Variants in CAB39 observed in about 807,000 individuals in gnomAD.
The protein encoded by CAB39 is calcium binding protein 39.
In CAB39, 8 loss-of-function variants were observed where a neutral mutation model predicts 40.0. The observed-to-expected ratio is 0.20, with a 90% CI of 0.12 to 0.36. The LOEUF (loss-of-function observed/expected upper bound fraction) is 0.36, where lower values mean the gene tolerates loss of function less well. Among genes scored for constraint, CAB39 ranks in the 10% least tolerant of loss-of-function variants. The pLI is 1.00. For synonymous variants in CAB39, 156 were observed against 141.6 expected (o/e 1.10, Z -0.72); for missense variants, 270 against 401.1 (o/e 0.67, Z 2.79).
At chr2:230,715,766 G>A (rs1031564431) in intron 1 of CAB39, among the ~76,000 whole-genome samples, 4 of 152,168 alleles carry the variant, frequency 2.6e-5, no homozygotes, top group South Asian at 2.1e-4. Flanking sequence ...GCAGTGGTGC[G>A]AACATGGCTC....
chr2:230,741,099 C>A (rs991004580), intron 1 of CAB39, among the ~76,000 whole-genome samples: 2 of 152,152 alleles, frequency 1.3e-5, no homozygotes, highest in African/African-American at 4.8e-5. Context: ...AGGCGGTCCC[C>A]TGATTAATTC....
At chr2:230,753,240 G>A (rs1435354314) in intron 1 of CAB39, among the ~76,000 whole-genome samples, 4 of 152,166 alleles carry the variant, frequency 2.6e-5, no homozygotes, top group Non-Finnish European at 5.9e-5. Flanking sequence ...TTGCAGTGTT[G>A]TAACTGTTCA....
intron 1 of CAB39, among the ~76,000 whole-genome samples, chr2:230,724,107 T>G (rs1034634194): frequency 6.6e-6 from 1 of 151,266 alleles, no homozygotes; most frequent in Non-Finnish European, 1.5e-5. Context: ...ATTAGCTGAG[T>G]GTGGTGACGC....
At chr2:230,756,257 A>C (rs1695188049) in intron 1 of CAB39, among the ~76,000 whole-genome samples, 9 of 152,260 alleles carry the variant, frequency 5.9e-5, no homozygotes, top group Admixed American at 5.9e-4. Context: ...AGTATAGTCA[A>C]CTACATAGTA....
chr2:230,761,888 TTTGTTGTTGTTGTTGTTG>T lies in CAB39; in HGVS notation c.114+1791_114+1808del, dbSNP rs55722046. ...GGTACTGTTTTTTGTTTGTTTTTTA[TTTGTTGTTGTTGTTGTTG>T]TTGTTGTTGTTGTTGTTTTGAGATG... On this transcript the variant is annotated intron_variant, in intron 2 of 8. Coordinates refer to ENST00000258418, the MANE Select transcript of CAB39 (RefSeq NM_016289.4). Among the ~76,000 whole-genome samples the T allele has an allele frequency of 9.6e-4, 144 of 149,956 alleles. 5 individuals are homozygous for T. In the South Asian group the frequency reaches 0.03, roughly 31 times the overall value.
chr2:230,809,866 G>A (rs984278989), intron 5 of CAB39, among the ~76,000 whole-genome samples: 1 of 152,080 alleles, frequency 6.6e-6, no homozygotes, highest in African/African-American at 2.4e-5. Flanking sequence ...CACCGGGAGC[G>A]CTAAGTGGGC....
intron 1 of CAB39, chr2:230,713,790 G>C (rs1358707819): frequency 6.6e-6 from 1 of 152,354 alleles, no homozygotes; most frequent in Non-Finnish European, 1.5e-5. Context: ...GCCCGCACCG[G>C]AGGGATTCAA....
intron 5 of CAB39, among the ~76,000 whole-genome samples, chr2:230,804,059 C>A (rs1329720648): frequency 6.6e-6 from 1 of 152,124 alleles, no homozygotes. Flanking sequence ...AGATATAGAC[C>A]AATGGAACAG....
At chr2:230,741,644 G>C (rs1197583091) in intron 1 of CAB39, among the ~76,000 whole-genome samples, 1 of 152,066 alleles carries the variant, frequency 6.6e-6, no homozygotes, top group Non-Finnish European at 1.5e-5. Context: ...TCTAGGAATG[G>C]GAATTTGATC....
chr2:230,740,317 A>G (rs1694854559), intron 1 of CAB39, among the ~76,000 whole-genome samples: 1 of 152,240 alleles, frequency 6.6e-6, no homozygotes, highest in Non-Finnish European at 1.5e-5. Flanking sequence ...CTTGCTAATC[A>G]GATTTGTAGT....
intron 2 of CAB39, among the ~76,000 whole-genome samples, chr2:230,770,540 T>C (rs979541237): frequency 6.6e-6 from 1 of 152,242 alleles, no homozygotes; most frequent in African/African-American, 2.4e-5. Flanking sequence ...ATACAATTTC[T>C]ATGTAAACCT....
intron 1 of CAB39, among the ~76,000 whole-genome samples, chr2:230,715,074 A>G (rs372602635): frequency 6.6e-6 from 1 of 152,142 alleles, no homozygotes; most frequent in Non-Finnish European, 1.5e-5. Flanking sequence ...TTTTCTTTCC[A>G]GTCTTTTTCT....
chr2:230,725,538 A>T (rs1043079488), intron 1 of CAB39: 1 of 858,988 alleles, frequency 1.2e-6, no homozygotes, highest in Non-Finnish European at 1.9e-6. Flanking sequence ...ATTTTTAGGT[A>T]AGTAATGGGG....
Position 230,804,776 on chromosome 2 carries a change from G to A in CAB39, c.568-5487G>A, listed in dbSNP as rs377063059. On this transcript the variant is annotated intron_variant, in intron 5 of 8. Coordinates refer to ENST00000258418, the MANE Select transcript of CAB39 (RefSeq NM_016289.4). Reference sequence around the variant, plus strand: ...GTGCTGGAGAGGATGTGGAGAAATAGGGACACTTTTACACTGTTGGTGGGC... The same window carrying A: ...GTGCTGGAGAGGATGTGGAGAAATAAGGACACTTTTACACTGTTGGTGGGC... Among the ~76,000 whole-genome samples the A allele has an allele frequency of 3.3e-5, 5 of 152,294 alleles. No individual in the cohort carries two copies. In the East Asian group the frequency reaches 7.7e-4, roughly 23 times the overall value.
chr2:230,761,887 ATTT>A (rs1175855314), intron 2 of CAB39, among the ~76,000 whole-genome samples: 7 of 117,610 alleles, frequency 6.0e-5, no homozygotes, highest in African/African-American at 2.4e-4. Flanking sequence ...TTTGTTTTTT[ATTT>A]GTTGTTGTTG....
intron 2 of CAB39, among the ~76,000 whole-genome samples, chr2:230,768,692 A>G (rs1055387058): frequency 1.3e-5 from 2 of 152,214 alleles, no homozygotes; most frequent in Non-Finnish European, 2.9e-5. Flanking sequence ...GTGGTGGGTC[A>G]GTGGTTAGAG....
Position 230,818,542 on chromosome 2 carries a change from G to T in CAB39, c.864G>T (p.Thr288=). The T allele has an allele frequency of 6.2e-7, 1 of 1,613,958 alleles. No homozygotes were observed. Among genetic ancestry groups the T allele is most frequent in the East Asian group, 2.2e-5 (1 of 44,888 alleles). ...FKVFVANPNK[T]QPILDILLKN... ...TGTTTGTAGCCAATCCTAACAAGACGCAGCCCATCCTAGACATCCTCCTCA... is the reference window on the plus strand; with the variant it reads ...TGTTTGTAGCCAATCCTAACAAGACTCAGCCCATCCTAGACATCCTCCTCA... Residue 288 remains threonine, a synonymous_variant, in exon 9 of 9, where the codon ACG becomes ACT. Coordinates refer to ENST00000258418, the MANE Select transcript of CAB39 (RefSeq NM_016289.4).
chr2:230,721,325 G>T (rs150671771), intron 1 of CAB39, among the ~76,000 whole-genome samples: 1 of 152,180 alleles, frequency 6.6e-6, no homozygotes, highest in Non-Finnish European at 1.5e-5. Context: ...CAGCTACTTA[G>T]AAGGCTGAGG....
intron 1 of CAB39, among the ~76,000 whole-genome samples, chr2:230,745,498 C>T (rs370056629): frequency 6.6e-6 from 1 of 152,144 alleles, no homozygotes. Flanking sequence ...CTGGGAGGTA[C>T]TCTCTATGCA....
Sources: allele counts gnomAD v4.1 joint callset (sites outside exome capture counted in the v4.1 genomes callset), GRCh38; gene constraint gnomAD v4.1.1; transcripts MANE v1.5; gene names NCBI Gene and HGNC (gene_info 2026-07-23, HGNC 2026-07-21).